The following SGK2 variants were observed in gnomAD, a reference collection of about 807,000 sequenced individuals.
SGK2 encodes serum/glucocorticoid regulated kinase 2, also known as serine/threonine-protein kinase Sgk2.
In SGK2, 36 loss-of-function variants were observed where a neutral mutation model predicts 47.5. That is an observed-to-expected ratio of 0.76 (90% CI 0.58 to 1.00). SGK2 has a LOEUF of 1.00. Ranked by LOEUF, SGK2 falls within the 50% of genes least tolerant of loss-of-function variation. The probability of loss-of-function intolerance (pLI) is 0.00; values close to 1 mark genes in which losing one functional copy is unlikely to be tolerated. For synonymous variants in SGK2, 157 were observed against 181.9 expected (o/e 0.86, Z 1.10); for missense variants, 404 against 467.4 (o/e 0.86, Z 1.25).
rs1400420486 is a variant in SGK2, at chr20:43,574,868, C to A, written c.598-41C>A. ...TTATTTACAGCTGGGGCAACTGAGG[C>A]TTAACGACTTATTTCAAATAAGTGT... On this transcript the variant is annotated intron_variant, in intron 9 of 12. Coordinates refer to ENST00000373100, the MANE Select transcript of SGK2 (RefSeq NM_170693.3). 6.6e-6 allele frequency: 10 copies of A among 1,515,980 alleles called. No homozygotes were observed. In the South Asian group the frequency reaches 9.1e-5, roughly 14 times the overall value. The allele number at this position is 1,515,980 out of a possible 1,614,324, so 93.9% of individuals were successfully genotyped here.
At chr20:43,560,333 G>A (rs1979306476) in intron 1 of SGK2, among the ~76,000 whole-genome samples, 2 of 151,862 alleles carry the variant, frequency 1.3e-5, no homozygotes, top group South Asian at 2.1e-4. Context: ...ACCTCGTCTC[G>A]ACTAAAAATA....
chr20:43,582,868 G>A (rs1396502752), intron 12 of SGK2, among the ~76,000 whole-genome samples: 1 of 151,512 alleles, frequency 6.6e-6, no homozygotes, highest in Non-Finnish European at 1.5e-5. Context: ...TTTTGTTGTT[G>A]TATTTTTAGT....
At chr20:43,568,645 C>A (rs1201749088) in intron 5 of SGK2, among the ~76,000 whole-genome samples, 1 of 152,090 alleles carries the variant, frequency 6.6e-6, no homozygotes, top group Non-Finnish European at 1.5e-5. Context: ...CCACTCCTGG[C>A]TAATTTTTGT....
Position 43,584,892 on chromosome 20 carries a change from C to A in SGK2, c.980C>A (p.Thr327Asn), listed in dbSNP as rs755794346. Residue 327 changes from threonine (T) to asparagine (N), a missense_variant, in exon 13 of 13, where the codon ACC (threonine) becomes AAC (asparagine). Coordinates refer to ENST00000373100, the MANE Select transcript of SGK2 (RefSeq NM_170693.3). ...TTGAAGCATTTTGACCCAGAGTTCA[C>A]CCAGGAAGCTGTGTCCAAGTCCATT... ...ADLKHFDPEF[T>N]QEAVSKSIGC... 1 of 1,613,970 alleles carries A rather than the reference C, an allele frequency of 6.2e-7. No homozygotes were observed. The highest frequency in any genetic ancestry group is 1.3e-5 in the African/African-American group (1 of 74,932).
Position 43,578,330 on chromosome 20 carries a change from CAA to C in SGK2, c.850-1638_850-1637del, listed in dbSNP as rs999598202. Among the ~76,000 whole-genome samples the C allele has an allele frequency of 2.1e-4, 32 of 151,998 alleles. 1 individual carries two copies. The highest frequency in any genetic ancestry group is 7.5e-4 in the African/African-American group (31 of 41,402). ...CGAAACCCGGTCTCTACTAAAAGTA[CAA>C]AAATTATCCAGGTGTGGTGGTGGGT... On this transcript the variant is annotated intron_variant, in intron 11 of 12. Transcript: ENST00000373100.
At chr20:43,570,936 C>T (rs1980071396) in intron 7 of SGK2, 88 bp from the exon 8 acceptor site, 1 of 1,595,356 alleles carries the variant, frequency 6.3e-7, no homozygotes, top group South Asian at 1.1e-5. Flanking sequence ...AATAGTTCTC[C>T]TGCCAGGACC....
At chr20:43,563,135 C>CAAAA (rs796539305) in intron 1 of SGK2, among the ~76,000 whole-genome samples, 7 of 70,642 alleles carry the variant, frequency 9.9e-5, no homozygotes, top group African/African-American at 2.1e-4. Context: ...GACTCTGTCT[C>CAAAA]AAAAAAAAAA....
At position 43,572,245 on chromosome 20, in the gene SGK2, C is replaced by A; in HGVS notation, c.597+108C>A. ...AGGGGACTCACTCCTTTGACCCAAA[C>A]ACTTCTCCTGAGTGGGCTATACACT... On this transcript the variant is annotated intron_variant, in intron 9 of 12. Coordinates refer to ENST00000373100, the MANE Select transcript of SGK2 (RefSeq NM_170693.3). The surrounding 1 kb of genome is among the most constrained non-coding windows in gnomAD (Gnocchi z 4.2). The A allele has an allele frequency of 1.2e-6, 1 of 806,688 alleles. No individual in the cohort carries two copies. The highest frequency in any genetic ancestry group is 2.1e-6 in the Non-Finnish European group (1 of 483,626). The allele number at this position is 806,688 out of a possible 1,614,324, so 50.0% of individuals were successfully genotyped here. A position where few individuals can be genotyped will look rare whatever the true frequency, so the allele number is the denominator to read the frequency against.
intron 11 of SGK2, among the ~76,000 whole-genome samples, chr20:43,578,636 G>A (rs1043771513): frequency 6.6e-6 from 1 of 152,280 alleles, no homozygotes; most frequent in South Asian, 2.1e-4. Flanking sequence ...ACCTAACACA[G>A]CTGTTTTGAA....
At chr20:43,568,455 CATGAGCTACA>C (rs1389434582) in intron 5 of SGK2, among the ~76,000 whole-genome samples, 1 of 152,174 alleles carries the variant, frequency 6.6e-6, no homozygotes, top group Non-Finnish European at 1.5e-5. Flanking sequence ...GGGTTAGAGG[CATGAGCTACA>C]TGCACAGCAC....
Position 43,576,199 on chromosome 20 carries a change from C to T in SGK2, c.694-25C>T. On this transcript the variant is annotated intron_variant, in intron 10 of 12. Coordinates refer to ENST00000373100, the MANE Select transcript of SGK2 (RefSeq NM_170693.3). The stretch of plus-strand genomic sequence containing the variant: ...GTGTTCACTTTGCATGGGTGATCCT[C>T]CAGCTGTTCTCCCTCTCTCCCCAGC... The T allele has an allele frequency of 2.5e-6, 4 of 1,612,234 alleles. No individual in the cohort carries two copies. In the South Asian group the frequency reaches 4.4e-5, roughly 18 times the overall value.
intron 11 of SGK2, among the ~76,000 whole-genome samples, chr20:43,577,837 G>A (rs567992701): frequency 1.3e-5 from 2 of 151,948 alleles, no homozygotes; most frequent in African/African-American, 2.4e-5. Context: ...TAGAGACGGG[G>A]TTTCACTATG....
chr20:43,573,257 G>C (rs529127845), intron 9 of SGK2, among the ~76,000 whole-genome samples: 4 of 152,332 alleles, frequency 2.6e-5, no homozygotes, highest in African/African-American at 9.6e-5. Flanking sequence ...GGTAGGCCGA[G>C]GCAGGCAGAT....
chr20:43,561,341 C>G (rs373548005), intron 1 of SGK2, among the ~76,000 whole-genome samples: 15 of 150,676 alleles, frequency 1.0e-4, no homozygotes, highest in African/African-American at 3.7e-4. Context: ...ATGGAGACAG[C>G]AAGCTAGGTC....
intron 1 of SGK2, 102 bp from the exon 2 acceptor site, chr20:43,566,371 G>T (rs1979712440): frequency 6.2e-7 from 1 of 1,614,050 alleles, no homozygotes; most frequent in Admixed American, 1.7e-5. Flanking sequence ...AGGTGCACAG[G>T]TAGGGGAGGA....
Position 43,569,470 on chromosome 20 carries a change from C to T in SGK2, c.314C>T (p.Thr105Ile). 1 of 1,613,848 alleles carries T rather than the reference C, an allele frequency of 6.2e-7. No homozygotes were observed. Among genetic ancestry groups the T allele is most frequent in the Non-Finnish European group, 8.5e-7 (1 of 1,180,026 alleles). ...FLVGLRYSFQ[T>I]PEKLYFVLDY... is the part of the protein sequence containing the mutation. ...GTGGGCCTGCGCTACTCCTTCCAGA[C>T]ACCTGAGAAGCTCTACTTCGTGCTC... Residue 105 changes from threonine to isoleucine, a missense_variant, in exon 6 of 13, where the codon ACA becomes ATA. Coordinates refer to ENST00000373100, the MANE Select transcript of SGK2 (RefSeq NM_170693.3).
rs1363763474 is a variant in SGK2, at chr20:43,569,458, A to G, written c.302A>G (p.Tyr101Cys). The part of the protein sequence containing the change: ...VRHPFLVGLR[Y>C]SFQTPEKLYF... ...CACCCCTTCCTCGTGGGCCTGCGCTACTCCTTCCAGACACCTGAGAAGCTC... is the reference window on the plus strand; with the variant it reads ...CACCCCTTCCTCGTGGGCCTGCGCTGCTCCTTCCAGACACCTGAGAAGCTC... Residue 101 changes from tyrosine to cysteine, a missense_variant, in exon 6 of 13, where the codon TAC becomes TGC. Transcript: ENST00000373100. 4 of 1,612,942 alleles carry G rather than the reference A, an allele frequency of 2.5e-6. No homozygotes were observed. The highest frequency in any genetic ancestry group is 2.7e-5 in the African/African-American group (2 of 74,548).
chr20:43,569,985 C>T (rs973046683), intron 6 of SGK2, among the ~76,000 whole-genome samples: 5 of 152,216 alleles, frequency 3.3e-5, no homozygotes, highest in African/African-American at 1.2e-4. Context: ...GGTCAAGATG[C>T]AAAATGTAGT....
chr20:43,569,142 G>C (rs572230136), intron 5 of SGK2, among the ~76,000 whole-genome samples: 3 of 152,130 alleles, frequency 2.0e-5, no homozygotes, highest in Non-Finnish European at 4.4e-5. Context: ...TCTGATACAG[G>C]GGCTAGAGCT....
Sources: gnomAD v4.1 joint callset for allele counts (sites outside exome capture counted in the v4.1 genomes callset) on GRCh38, gnomAD v4.1.1 for gene constraint, Gnocchi (gnomAD v3.1) non-coding constraint, MANE v1.5 for transcripts, NCBI Gene and HGNC (gene_info 2026-07-23, HGNC 2026-07-21) for gene names.